The following ZFP69B variants were observed in gnomAD, a reference collection of about 807,000 sequenced individuals.
ZFP69B encodes ZFP69 zinc finger protein B.
A neutral mutation model predicts 19.7 loss-of-function variants in ZFP69B; 20 were observed. The ratio of observed to expected loss-of-function variants is 1.02; its 90% CI spans 0.71 to 1.48. The LOEUF is 1.48. ZFP69B is among the 40% of genes most tolerant of loss of function. ZFP69B has a pLI of 0.00. For missense variants in ZFP69B, 583 were observed against 632.6 expected (o/e 0.92, Z 0.84); for synonymous variants, 220 against 222.7 (o/e 0.99, Z 0.11).
In ZFP69B at chr1:40,462,442, C is replaced by A; in HGVS notation, c.458C>A (p.Thr153Asn). 1 of 1,589,036 alleles carries A rather than the reference C, an allele frequency of 6.3e-7. No individual in the cohort carries two copies. The highest frequency in any genetic ancestry group is 1.2e-5 in the South Asian group (1 of 85,950). The part of the protein sequence containing the change: ...PSSDLKSKTK[T>N]KESALQNDIS... The stretch of plus-strand genomic sequence containing the variant: ...TCAGACTTGAAGAGCAAAACAAAAA[C>A]CAAAGAGTCAGCCTTACAGAATGAT... The change falls in exon 5 of 5, where the codon ACC becomes AAC. Residue 153 changes from threonine (T) to asparagine (N), a missense_variant. By Grantham distance (65) the Thr-to-Asn change is moderately conservative. Transcript: ENST00000361584.
Position 40,463,065 on chromosome 1 carries a change from A to G in ZFP69B, c.1081A>G (p.Lys361Glu). The G allele has an allele frequency of 1.2e-6, 2 of 1,614,190 alleles. No homozygotes were observed. Among genetic ancestry groups the G allele is most frequent in the Non-Finnish European group, 1.7e-6 (2 of 1,180,036 alleles). Residue 361 changes from lysine (K) to glutamate (E), a missense_variant, in exon 5 of 5, where the codon AAG becomes GAG. By Grantham distance (56) the Lys-to-Glu change is moderately conservative. Transcript: ENST00000361584. Reference protein sequence around the residue: ...TQHVRIHTGEKPYECRVCEKA... With the variant: ...TQHVRIHTGEEPYECRVCEKA... ...ACATGTTAGAATTCATACCGGGGAA[A>G]AGCCCTATGAATGTAGGGTATGTGA...
intron 1 of ZFP69B, 29 bp from the exon 2 acceptor site, chr1:40,454,174 C>A: frequency 6.5e-7 from 1 of 1,546,752 alleles, no homozygotes; most frequent in Non-Finnish European, 8.7e-7. Flanking sequence ...TGGGGAGATG[C>A]AAACCTCATG....
At chr1:40,455,914 T>TG (rs750055131) in intron 2 of ZFP69B, among the ~76,000 whole-genome samples, 1 of 152,204 alleles carries the variant, frequency 6.6e-6, no homozygotes, top group Non-Finnish European at 1.5e-5. Flanking sequence ...GCTTCATCCA[T>TG]GTCCCTGCAA....
chr1:40,456,978 T>C lies in ZFP69B; in HGVS notation c.247T>C (p.Phe83Leu). 6.2e-7 allele frequency: 1 copy of C among 1,614,148 alleles called. No homozygotes were observed. The highest frequency in any genetic ancestry group is 8.5e-7 in the Non-Finnish European group (1 of 1,180,000). ...LLTFKDVSVD[F>L]TQEEWGQLAP... ...AACCTTCAAGGACGTATCTGTGGAC[T>C]TCACTCAGGAGGAGTGGGGGCAGCT... is the stretch of plus-strand genomic sequence containing the variant. Residue 83 changes from phenylalanine to leucine, a missense_variant, in exon 3 of 5, where the codon TTC becomes CTC. Physicochemically the swap from Phe to Leu is conservative, Grantham distance 22. Coordinates refer to ENST00000361584, the MANE Select transcript of ZFP69B (RefSeq NM_023070.3).
Position 40,463,137 on chromosome 1 carries a change from C to G in ZFP69B, c.1153C>G (p.His385Asp). ...SIGLIQHLRT[H>D]VREKPFTCKD... is the part of the protein sequence containing the mutation. ...TGGACTGATCCAGCATTTGAGAACT[C>G]ATGTTAGAGAGAAACCTTTTACATG... Residue 385 changes from histidine to aspartate, a missense_variant, in exon 5 of 5, where the codon CAT becomes GAT. Transcript: ENST00000361584. 6.2e-7 allele frequency: 1 copy of G among 1,614,168 alleles called. No individual in the cohort carries two copies. The highest frequency in any genetic ancestry group is 1.1e-5 in the South Asian group (1 of 91,082).
At chr1:40,455,702 C>T (rs1379737517) in intron 2 of ZFP69B, among the ~76,000 whole-genome samples, 2 of 152,056 alleles carry the variant, frequency 1.3e-5, no homozygotes, top group Admixed American at 6.5e-5. Context: ...TGGTTTGCTG[C>T]ACCCATCAAC....
chr1:40,454,361 T>C, intron 2 of ZFP69B, 73 bp downstream of exon 2: 1 of 1,084,020 alleles, frequency 9.2e-7, no homozygotes, highest in Non-Finnish European at 1.3e-6. Flanking sequence ...TTGATTTTCT[T>C]TGACTCAACT....
chr1:40,459,876 G>T (rs1419821465), intron 4 of ZFP69B, among the ~76,000 whole-genome samples: 1 of 152,088 alleles, frequency 6.6e-6, no homozygotes, highest in Non-Finnish European at 1.5e-5. Flanking sequence ...TTGTGAACAG[G>T]AAGTATTGGT....
chr1:40,455,368 A>T (rs547266150), intron 2 of ZFP69B, among the ~76,000 whole-genome samples: 1 of 152,318 alleles, frequency 6.6e-6, no homozygotes, highest in Admixed American at 6.5e-5. Flanking sequence ...TGGTTTAATC[A>T]TGTGTTTAAA....
In ZFP69B at chr1:40,462,774, A is replaced by G. The variant is rs1486065886; in HGVS notation, c.790A>G (p.Ile264Val). The G allele has an allele frequency of 7.4e-6, 12 of 1,613,650 alleles. No homozygotes were observed. The Admixed American group carries it at 1.8e-4, about 25-fold the overall frequency. Residue 264 changes from isoleucine to valine, a missense_variant, in exon 5 of 5, where the codon ATA becomes GTA. Coordinates refer to ENST00000361584, the MANE Select transcript of ZFP69B (RefSeq NM_023070.3). ...ACCTGGAAAGAGAAGCAGATACAAC[A>G]TAGATTTAGTTAATCATTCAAGGAG... ...DTPGKRSRYNIDLVNHSRSYT... is the reference protein window; with the variant it reads ...DTPGKRSRYNVDLVNHSRSYT...
At chr1:40,454,041 G>A (rs1453776872) in intron 1 of ZFP69B, among the ~76,000 whole-genome samples, 162 bp from the exon 2 acceptor site, 1 of 152,100 alleles carries the variant, frequency 6.6e-6, no homozygotes, top group Non-Finnish European at 1.5e-5. Flanking sequence ...CTTGCAGCAG[G>A]TCCTCCTTAT....
In ZFP69B at chr1:40,462,822, G is replaced by C. The variant is rs754072556; in HGVS notation, c.838G>C (p.Glu280Gln). 1 of 1,613,910 alleles carries C rather than the reference G, an allele frequency of 6.2e-7. No individual in the cohort carries two copies. ...GAGTTATACAAAAATGAAAACCTTT[G>C]AGTGTAATATTTGTGAAAAAATCTT... ...SRSYTKMKTF[E>Q]CNICEKIFKQ... The change falls in exon 5 of 5, where the codon GAG becomes CAG. Residue 280 changes from glutamate (E) to glutamine (Q), a missense_variant. Physicochemically the swap from Glu to Gln is conservative, Grantham distance 29. Coordinates refer to ENST00000361584, the MANE Select transcript of ZFP69B (RefSeq NM_023070.3).
intron 2 of ZFP69B, 22 bp downstream of exon 2, chr1:40,454,310 C>G: frequency 6.6e-7 from 1 of 1,519,384 alleles, no homozygotes; most frequent in Non-Finnish European, 8.9e-7. Flanking sequence ...TTTCTGGTCA[C>G]TTTCTTGACA....
rs752487820 is a variant in ZFP69B, at chr1:40,457,547, A to G, written c.436+108A>G. The G allele has an allele frequency of 6.1e-5, 50 of 821,788 alleles. 1 individual carries two copies. The highest frequency in any genetic ancestry group is 5.9e-4 in the African/African-American group (35 of 59,050). 50.9% of individuals were successfully genotyped at this position (821,788 alleles called of 1,614,324 possible). On this transcript the variant is annotated intron_variant, in intron 4 of 4. Coordinates refer to ENST00000361584, the MANE Select transcript of ZFP69B (RefSeq NM_023070.3). The stretch of plus-strand genomic sequence containing the variant: ...AGGCCATGTGGATGGTACATTCAAG[A>G]AAGTTGATTCTGTTATCTCTGTCAC...
chr1:40,451,223 C>T (rs1394524456), intron 1 of ZFP69B, 135 bp downstream of exon 1: 2 of 1,182,852 alleles, frequency 1.7e-6, no homozygotes, highest in East Asian at 6.2e-5. Flanking sequence ...ATTGTGGCTC[C>T]TAGTCTGGGG....
intron 1 of ZFP69B, among the ~76,000 whole-genome samples, chr1:40,453,179 T>G (rs1467300545): frequency 6.6e-6 from 1 of 152,036 alleles, no homozygotes; most frequent in Non-Finnish European, 1.5e-5. Context: ...CAGGCTGGTC[T>G]CCAACTCCTG....
chr1:40,451,214 T>C (rs1645183257), intron 1 of ZFP69B, 126 bp downstream of exon 1: 2 of 1,228,816 alleles, frequency 1.6e-6, no homozygotes, highest in Non-Finnish European at 2.1e-6. Context: ...GAGTTGTTGA[T>C]TGTGGCTCCT....
chr1:40,461,639 AC>A (rs1461772827), intron 4 of ZFP69B, among the ~76,000 whole-genome samples: 1 of 152,030 alleles, frequency 6.6e-6, no homozygotes, highest in Non-Finnish European at 1.5e-5. Context: ...TACAAAAAAT[AC>A]AAAAATTAGC....
Position 40,450,760 on chromosome 1 carries a change from A to G in ZFP69B, c.-202A>G. On this transcript the variant is annotated 5_prime_UTR_variant, in exon 1 of 5. Transcript: ENST00000361584. ...GATACGCCCTGAGAGCCGATGATAG[A>G]CACAAGTCCAGATCTCGGATTTTGA... 2.4e-6 allele frequency: 1 copy of G among 421,594 alleles called. No individual in the cohort carries two copies. Among genetic ancestry groups the G allele is most frequent in the East Asian group, 4.6e-5 (1 of 21,618 alleles). The allele number at this position is 421,594 out of a possible 1,614,324, so 26.1% of individuals were successfully genotyped here.
Sources: allele counts gnomAD v4.1 joint callset (sites outside exome capture counted in the v4.1 genomes callset), GRCh38; gene constraint gnomAD v4.1.1; transcripts MANE v1.5; gene names NCBI Gene and HGNC (gene_info 2026-07-23, HGNC 2026-07-21).